The following TOX2 variants were observed in gnomAD, a reference collection of about 807,000 sequenced individuals.
TOX2 encodes the protein TOX high mobility group box family member 2.
Under a neutral mutation model 47.4 loss-of-function variants are expected in TOX2, and 15 were observed. That is an observed-to-expected ratio of 0.32 (90% CI 0.21 to 0.49). The LOEUF is 0.49. Ranked by LOEUF, TOX2 falls within the 20% of genes least tolerant of loss-of-function variation. The pLI is 0.99. For missense variants in TOX2, 622 were observed against 673.1 expected, an observed-to-expected ratio of 0.92 and a Z score of 0.84; for synonymous variants, 290 against 296.6, an observed-to-expected ratio of 0.98 and a Z score of 0.23.
At chr20:44,009,797 C>A (rs917437660) in intron 3 of TOX2, among the ~76,000 whole-genome samples, 3 of 152,168 alleles carry the variant, frequency 2.0e-5, no homozygotes, top group African/African-American at 7.2e-5. Context: ...AAGAGCAGGG[C>A]CAGGTGGGCA....
chr20:44,064,687 C>A, intron 5 of TOX2, 90 bp from the exon 6 acceptor site: 1 of 1,282,314 alleles, frequency 7.8e-7, no homozygotes. Flanking sequence ...ATTCGTGATC[C>A]TTGAATCCAT....
chr20:44,058,485 C>T (rs2071661253), intron 5 of TOX2, among the ~76,000 whole-genome samples: 1 of 152,222 alleles, frequency 6.6e-6, no homozygotes, highest in African/African-American at 2.4e-5. Context: ...CTTGGGAACT[C>T]CATGGCCCCG....
chr20:43,950,366 C>A (rs190043240), intron 1 of TOX2, among the ~76,000 whole-genome samples: 212 of 152,340 alleles, frequency 1.4e-3, no homozygotes, highest in African/African-American at 4.6e-3. Flanking sequence ...GGCTCCCCAA[C>A]CACAGCATCA....
chr20:43,946,886 G>C (rs1175050179), intron 1 of TOX2, among the ~76,000 whole-genome samples: 1 of 152,182 alleles, frequency 6.6e-6, no homozygotes, highest in African/African-American at 2.4e-5. Flanking sequence ...ACCTCTTCTC[G>C]TGCTCTGATT....
intron 3 of TOX2, among the ~76,000 whole-genome samples, chr20:44,026,453 G>A (rs2071070942): frequency 6.6e-6 from 1 of 150,952 alleles, no homozygotes; most frequent in African/African-American, 2.4e-5. Flanking sequence ...ATGGACTTTG[G>A]GGACTCAGGG....
At chr20:44,054,941 A>C (rs972619214) in intron 5 of TOX2, among the ~76,000 whole-genome samples, 7 of 152,236 alleles carry the variant, frequency 4.6e-5, no homozygotes, top group African/African-American at 1.7e-4. Flanking sequence ...GCTGGTAGGC[A>C]AATGGAGTTG....
intron 1 of TOX2, among the ~76,000 whole-genome samples, chr20:43,935,139 G>A (rs902141933): frequency 6.6e-6 from 1 of 152,096 alleles, no homozygotes; most frequent in African/African-American, 2.4e-5. Flanking sequence ...CCCAGATGAA[G>A]ACAGATTGGG....
chr20:43,978,735 C>T (rs1356469979), intron 2 of TOX2, among the ~76,000 whole-genome samples: 1 of 145,536 alleles, frequency 6.9e-6, no homozygotes, highest in South Asian at 2.3e-4. Flanking sequence ...AAAGAGCTCA[C>T]ATTTTTTACA....
At chr20:43,940,525 C>CTT (rs11481268) in intron 1 of TOX2, among the ~76,000 whole-genome samples, 146 of 147,770 alleles carry the variant, frequency 9.9e-4, no homozygotes, top group African/African-American at 2.7e-3. Context: ...CACCTGGCAA[C>CTT]TTTTTTTTTT....
chr20:43,940,632 T>G (rs1433841769), intron 1 of TOX2, among the ~76,000 whole-genome samples: 2 of 151,960 alleles, frequency 1.3e-5, no homozygotes, highest in African/African-American at 2.4e-5. Context: ...GGTGAGAGGC[T>G]GAGCCAGAGT....
intron 8 of TOX2, 120 bp downstream of exon 8, chr20:44,066,977 C>G (rs2071835298): frequency 1.4e-6 from 2 of 1,409,936 alleles, no homozygotes; most frequent in Non-Finnish European, 1.9e-6. Context: ...CAGTCACTGT[C>G]AGCCCTGCTG....
At chr20:44,001,537 G>A (rs1347197969) in intron 2 of TOX2, among the ~76,000 whole-genome samples, 1 of 152,216 alleles carries the variant, frequency 6.6e-6, no homozygotes. Flanking sequence ...ATAATTGTGT[G>A]ATTCCAATAT....
chr20:43,933,512 C>G (rs1382841855), intron 1 of TOX2, among the ~76,000 whole-genome samples: 1 of 151,016 alleles, frequency 6.6e-6, no homozygotes, highest in Admixed American at 6.6e-5. Context: ...GGGGGCCATG[C>G]TTTGAGAATC....
rs75170680 is a variant in TOX2 at position 44,051,491 on chromosome 20, G to A, written c.597G>A (p.Ala199=). 25 of 1,612,688 alleles carry A rather than the reference G, an allele frequency of 1.6e-5. No homozygotes were observed. The highest frequency in any genetic ancestry group is 4.5e-5 in the East Asian group (2 of 44,832). Residue 199 remains alanine (A), a synonymous_variant, in exon 4 of 9, where the codon GCG becomes GCA. Transcript: ENST00000341197. ...CATCACCGCCGGGGAGCAAGTCAGC[G>A]ACCCCCTCTCCCTCCAGCTCCACTC... ...SSPSPPGSKS[A]TPSPSSSTQE... is the part of the protein sequence containing the mutation.
chr20:44,006,834 AGGGAGG>A, intron 3 of TOX2, 42 bp downstream of exon 3: 1 of 1,593,490 alleles, frequency 6.3e-7, no homozygotes, highest in Non-Finnish European at 8.5e-7. Flanking sequence ...TGATGACAGC[AGGGAGG>A]GGGTTGAGAG....
chr20:44,058,131 A>G (rs1048383994), intron 5 of TOX2, among the ~76,000 whole-genome samples: 2 of 152,236 alleles, frequency 1.3e-5, no homozygotes, highest in Non-Finnish European at 2.9e-5. Flanking sequence ...ACTTTGAAGG[A>G]TGTGGATTGC....
intron 5 of TOX2, among the ~76,000 whole-genome samples, chr20:44,061,333 C>A (rs1274604855): frequency 6.6e-6 from 1 of 152,050 alleles, no homozygotes; most frequent in Non-Finnish European, 1.5e-5. Context: ...AGAGGGAATC[C>A]TTCCTAAATT....
At position 44,028,319 on chromosome 20, in the gene TOX2, T is replaced by C. The variant is rs1322684019; in HGVS notation, c.411+21527T>C. Reference sequence around the variant, plus strand: ...TGGGCAGGGGGGTGAGGGGGTCTAGTAGAGCCCCCAGCAGCAGCCTAGGGT... The same window carrying C: ...TGGGCAGGGGGGTGAGGGGGTCTAGCAGAGCCCCCAGCAGCAGCCTAGGGT... On this transcript the variant is annotated intron_variant, in intron 3 of 8. Coordinates refer to ENST00000341197, the MANE Select transcript of TOX2 (RefSeq NM_001098797.2). 2.0e-5 allele frequency among the ~76,000 whole-genome samples: 3 copies of C among 151,992 alleles called. No individual in the cohort carries two copies. The East Asian group carries it at 5.8e-4, about 29-fold the overall frequency.
chr20:43,949,229 C>T (rs560928575), intron 1 of TOX2, among the ~76,000 whole-genome samples: 1 of 152,250 alleles, frequency 6.6e-6, no homozygotes. Context: ...CTGCCTTACT[C>T]CTTGCATCTA....
Sources: gnomAD v4.1 joint callset for allele counts (sites outside exome capture counted in the v4.1 genomes callset) on GRCh38, gnomAD v4.1.1 for gene constraint, MANE v1.5 for transcripts, NCBI Gene and HGNC (gene_info 2026-07-23, HGNC 2026-07-21) for gene names.